SUMF1: variants seen among roughly 807,000 people sequenced by gnomAD.
The protein encoded by SUMF1 is formylglycine-generating enzyme.
SUMF1 carries 48 observed loss-of-function variants against 47.6 expected under a neutral mutation model. The ratio of observed to expected loss-of-function variants is 1.01; its 90% confidence interval spans 0.80 to 1.28. The LOEUF (loss-of-function observed/expected upper bound fraction) is 1.28. SUMF1 is among the 50% of genes most tolerant of loss of function. The pLI is 0.00. For missense variants in SUMF1, 571 were observed against 485.4 expected (o/e 1.18, Z -1.66); for synonymous variants, 230 against 192.1 (o/e 1.20, Z -1.63).
At chr3:4,451,746 G>C (rs1003342067) in intron 2 of SUMF1, among the ~76,000 whole-genome samples, 2 of 152,100 alleles carry the variant, frequency 1.3e-5, no homozygotes, top group Non-Finnish European at 2.9e-5. Context: ...GGCAGTGGCC[G>C]GATCTCGGCT....
At chr3:4,225,326 C>A (rs910043337) in intron 8 of SUMF1, among the ~76,000 whole-genome samples, 1 of 152,086 alleles carries the variant, frequency 6.6e-6, no homozygotes, top group African/African-American at 2.4e-5. Context: ...TTAATACACA[C>A]CTTTTCCTGG....
At chr3:4,174,162 C>T (rs1317506973) in intron 8 of SUMF1, among the ~76,000 whole-genome samples, 1 of 151,868 alleles carries the variant, frequency 6.6e-6, no homozygotes, top group Non-Finnish European at 1.5e-5. Context: ...CGAGAGCATC[C>T]TGGCTAACAT....
intron 8 of SUMF1, among the ~76,000 whole-genome samples, chr3:4,159,790 TTC>T (rs1694535127): frequency 6.6e-6 from 1 of 152,180 alleles, no homozygotes; most frequent in Non-Finnish European, 1.5e-5. Context: ...AAGTCTTAAT[TTC>T]TCTTTTATGT....
chr3:4,338,911 C>A (rs541539632), intron 8 of SUMF1, among the ~76,000 whole-genome samples: 10 of 152,204 alleles, frequency 6.6e-5, no homozygotes, highest in African/African-American at 9.6e-5. Context: ...ACTGTAAGAT[C>A]CTGGCGGACT....
At chr3:4,128,480 G>A (rs1229182401) in intron 8 of SUMF1, among the ~76,000 whole-genome samples, 1 of 152,072 alleles carries the variant, frequency 6.6e-6, no homozygotes, top group African/African-American at 2.4e-5. Context: ...CTTTGTCTGA[G>A]GAGATCAACC....
chr3:4,293,241 T>C (rs1345180883), intron 8 of SUMF1, among the ~76,000 whole-genome samples: 1 of 152,130 alleles, frequency 6.6e-6, no homozygotes, highest in African/African-American at 2.4e-5. Context: ...TTATATGTAA[T>C]ATGTTCTAAT....
chr3:4,225,523 C>G (rs552123123), intron 8 of SUMF1, among the ~76,000 whole-genome samples: 1 of 152,200 alleles, frequency 6.6e-6, no homozygotes, highest in East Asian at 1.9e-4. Context: ...CCAACTTGAC[C>G]AGATAGAACA....
At chr3:4,450,679 T>A (rs187785911) in intron 2 of SUMF1, among the ~76,000 whole-genome samples, 58 of 152,258 alleles carry the variant, frequency 3.8e-4, no homozygotes, top group African/African-American at 1.4e-3. Context: ...AAGACAATAA[T>A]TATAACTTTA....
chr3:4,293,686 T>G (rs1381083015), intron 8 of SUMF1, among the ~76,000 whole-genome samples: 2 of 152,218 alleles, frequency 1.3e-5, no homozygotes, highest in Admixed American at 1.3e-4. Context: ...GTAGTCAGGC[T>G]GTAAGACTAG....
At chr3:4,113,736 TG>T (rs1420737917) in intron 8 of SUMF1, among the ~76,000 whole-genome samples, 23 of 152,156 alleles carry the variant, frequency 1.5e-4, no homozygotes, top group African/African-American at 4.8e-4. Context: ...TCTCTTCATG[TG>T]GCACAATTAC....
At chr3:4,383,005 C>T (rs1700557480) in intron 7 of SUMF1, among the ~76,000 whole-genome samples, 2 of 151,854 alleles carry the variant, frequency 1.3e-5, no homozygotes, top group Non-Finnish European at 2.9e-5. Context: ...ACCACCATGG[C>T]ACGTGTATAC....
intron 8 of SUMF1, among the ~76,000 whole-genome samples, chr3:4,260,570 T>C (rs1049701520): frequency 4.6e-5 from 7 of 152,124 alleles, no homozygotes; most frequent in Non-Finnish European, 1.0e-4. Context: ...ATTGTCTTAT[T>C]TGTAGAAGAA....
intron 8 of SUMF1, among the ~76,000 whole-genome samples, chr3:4,170,358 C>A (rs1694804769): frequency 6.6e-6 from 1 of 152,136 alleles, no homozygotes; most frequent in African/African-American, 2.4e-5. Context: ...CCTAGATTTT[C>A]TGACTAAAAA....
chr3:4,051,608 A>G (rs1428735926), intron 9 of SUMF1, among the ~76,000 whole-genome samples: 1 of 152,158 alleles, frequency 6.6e-6, no homozygotes, highest in African/African-American at 2.4e-5. Flanking sequence ...TGCCTAAGAG[A>G]GAGAAGGCTC....
intron 8 of SUMF1, among the ~76,000 whole-genome samples, chr3:4,280,503 AAC>A (rs1289793021): frequency 6.6e-6 from 1 of 152,048 alleles, no homozygotes; most frequent in Non-Finnish European, 1.5e-5. Flanking sequence ...GGAAAAAAAA[AAC>A]ACAGAGGCAG....
intron 8 of SUMF1, among the ~76,000 whole-genome samples, chr3:4,375,476 C>T (rs953371742): frequency 6.6e-6 from 1 of 151,978 alleles, no homozygotes; most frequent in African/African-American, 2.4e-5. Flanking sequence ...TTATATAGAT[C>T]CCAGATGATT....
chr3:4,413,465 G>A (rs537210644), intron 6 of SUMF1, among the ~76,000 whole-genome samples: 1 of 151,928 alleles, frequency 6.6e-6, no homozygotes, highest in African/African-American at 2.4e-5. Context: ...GTAGAATGTG[G>A]AGGTCACCAC....
intron 8 of SUMF1, among the ~76,000 whole-genome samples, chr3:4,186,829 A>C (rs1695210185): frequency 6.6e-6 from 1 of 152,172 alleles, no homozygotes; most frequent in Non-Finnish European, 1.5e-5. Context: ...GTTAGCAATG[A>C]AGATGTAATG....
At chr3:4,116,644 A>T (rs1346923600) in intron 8 of SUMF1, among the ~76,000 whole-genome samples, 1 of 152,100 alleles carries the variant, frequency 6.6e-6, no homozygotes, top group Admixed American at 6.5e-5. Flanking sequence ...CCTTTCTTTT[A>T]TATGAAAAGC....
Sources: allele counts gnomAD v4.1 joint callset (sites outside exome capture counted in the v4.1 genomes callset), GRCh38; gene constraint gnomAD v4.1.1; transcripts MANE v1.5; gene names NCBI Gene and HGNC (gene_info 2026-07-23, HGNC 2026-07-21).